The following MIA2 variants were observed in gnomAD, a reference collection of about 807,000 sequenced individuals.
MIA2 encodes the protein MIA SH3 domain ER export factor 2, also known as melanoma inhibitory activity protein 2.
Under a neutral mutation model 167.8 loss-of-function variants are expected in MIA2, and 127 were observed. That is an observed-to-expected ratio of 0.76 (90% CI 0.66 to 0.88). The LOEUF is 0.88. MIA2 is among the 40% of genes least tolerant of loss of function. The pLI is 0.00. For missense variants in MIA2, 1,690 were observed against 1,624.7 expected (o/e 1.04, Z -0.69); for synonymous variants, 552 against 541.9 (o/e 1.02, Z -0.26).
intron 6 of MIA2, among the ~76,000 whole-genome samples, chr14:39,263,084 G>C (rs909687792): frequency 1.5e-4 from 23 of 152,280 alleles, no homozygotes; most frequent in African/African-American, 5.1e-4. Flanking sequence ...GGGCATCCCT[G>C]TCTTGTGCCA....
intron 23 of MIA2, among the ~76,000 whole-genome samples, chr14:39,381,744 G>A (rs2075168249): frequency 6.8e-6 from 1 of 148,070 alleles, no homozygotes; most frequent in Non-Finnish European, 1.5e-5. Context: ...CTCCTAATTT[G>A]GAATGTTCCT....
chr14:39,265,577 T>G, intron 6 of MIA2: 1 of 578,088 alleles, frequency 1.7e-6, no homozygotes, highest in Non-Finnish European at 2.9e-6. Flanking sequence ...ATATTTGGAG[T>G]GGTAATTACT....
chr14:39,358,673 C>G lies in MIA2; in HGVS notation c.2248+9696C>G, dbSNP rs189436939. ...TTTTTCTGGTCTGTTTTTCCCCCAT[C>G]TTAGTGGTTTTATCTACCTTTGGTC... is the stretch of plus-strand genomic sequence containing the variant. On this transcript the variant is annotated intron_variant, in intron 23 of 23. Coordinates refer to the MIA2 transcript ENST00000341502. Among the ~76,000 whole-genome samples, 478 of 152,278 alleles carry G rather than the reference C, an allele frequency of 3.1e-3. 2 individuals are homozygous for G. The highest frequency in any genetic ancestry group is 0.011 in the African/African-American group (461 of 41,550).
chr14:39,263,470 G>A (rs2055232861), intron 6 of MIA2, among the ~76,000 whole-genome samples: 1 of 151,544 alleles, frequency 6.6e-6, no homozygotes, highest in Non-Finnish European at 1.5e-5. Context: ...CTGAGCTCAA[G>A]GGAATCCTTC....
chr14:39,296,135 G>A (rs986125237), intron 13 of MIA2, among the ~76,000 whole-genome samples: 2 of 151,812 alleles, frequency 1.3e-5, no homozygotes, highest in African/African-American at 4.8e-5. Context: ...CCATCCTAAA[G>A]GTTCCTCTTG....
downstream of MIA2, among the ~76,000 whole-genome samples, chr14:39,354,574 A>G (rs2074473344): frequency 6.6e-6 from 1 of 152,124 alleles, no homozygotes; most frequent in South Asian, 2.1e-4. Flanking sequence ...ATTAGATCCC[A>G]TTTGGCAATT....
chr14:39,251,498 A>T (rs533870531), intron 4 of MIA2, among the ~76,000 whole-genome samples: 62 of 152,036 alleles, frequency 4.1e-4, no homozygotes, highest in Non-Finnish European at 8.8e-4. Context: ...TTTTTCTTAT[A>T]TATTTATTTC....
Position 39,304,288 on chromosome 14 carries a change from A to T in MIA2, c.2788-3A>T. 7.2e-7 allele frequency: 1 copy of T among 1,381,912 alleles called. No homozygotes were observed. The highest frequency in any genetic ancestry group is 2.4e-5 in the East Asian group (1 of 42,162). 85.6% of individuals were successfully genotyped at this position (1,381,912 alleles called of 1,614,324 possible). ...ACTTTTTTCCTTCTTCCCTTCTTTAAAGTTAAATGCTTCTTTAAAAACCTT... is the reference window on the plus strand; with the variant it reads ...ACTTTTTTCCTTCTTCCCTTCTTTATAGTTAAATGCTTCTTTAAAAACCTT... On this transcript the variant is annotated splice_region_variant and splice_polypyrimidine_tract_variant and intron_variant, in intron 16 of 28. Coordinates refer to ENST00000640607, the MANE Select transcript of MIA2 (RefSeq NM_001329214.4).
chr14:39,267,606 T>C, intron 6 of MIA2: 1 of 1,511,546 alleles, frequency 6.6e-7, no homozygotes, highest in Non-Finnish European at 9.0e-7. Context: ...GGCTTTGGGG[T>C]CTAAGCCGCC....
chr14:39,360,112 G>T (rs913252215), intron 23 of MIA2, among the ~76,000 whole-genome samples: 4 of 151,768 alleles, frequency 2.6e-5, no homozygotes, highest in African/African-American at 9.7e-5. Flanking sequence ...GACCAGCATG[G>T]CCAATGTGAT....
intron 25 of MIA2, among the ~76,000 whole-genome samples, chr14:39,341,303 AAAAT>A (rs913978037): frequency 1.3e-5 from 2 of 152,114 alleles, no homozygotes; most frequent in Non-Finnish European, 2.9e-5. Flanking sequence ...CTCCCTCTCA[AAAAT>A]AAATAAATAA....
At chr14:39,334,469 C>G (rs1188820598) in intron 25 of MIA2, among the ~76,000 whole-genome samples, 3 of 148,502 alleles carry the variant, frequency 2.0e-5, no homozygotes, top group African/African-American at 7.6e-5. Flanking sequence ...GAGAGACTCT[C>G]TCAAAAAAAA....
chr14:39,339,291 C>T (rs1465481878), intron 25 of MIA2, among the ~76,000 whole-genome samples: 1 of 152,114 alleles, frequency 6.6e-6, no homozygotes, highest in Non-Finnish European at 1.5e-5. Flanking sequence ...GTTAGGGACC[C>T]CTGCTGTAGA....
chr14:39,288,215 T>A (rs578154482), intron 9 of MIA2, among the ~76,000 whole-genome samples: 1 of 151,742 alleles, frequency 6.6e-6, no homozygotes, highest in Admixed American at 6.6e-5. Flanking sequence ...TAGTCCCACC[T>A]ACTTGGGAGC....
intron 23 of MIA2, among the ~76,000 whole-genome samples, chr14:39,379,379 C>G (rs1463928845): frequency 6.6e-6 from 1 of 152,262 alleles, no homozygotes; most frequent in East Asian, 1.9e-4. Flanking sequence ...GGCCCTGTGC[C>G]TCATGAATGC....
In MIA2 at chr14:39,388,107, A is replaced by G. The variant is rs1254493297; in HGVS notation, c.*1155A>G. The G allele has an allele frequency of 2.0e-5, 3 of 152,224 alleles. No individual in the cohort carries two copies. Among genetic ancestry groups the G allele is most frequent in the Non-Finnish European group, 4.4e-5 (3 of 68,044 alleles). 9.4% of individuals were successfully genotyped at this position (152,224 alleles called of 1,614,324 possible). Reference sequence around the variant, plus strand: ...TATCTCCAAGGTAGGGCTGTACCATAATGCCGAGTTCCCCCATCTGCTAAT... The same window carrying G: ...TATCTCCAAGGTAGGGCTGTACCATGATGCCGAGTTCCCCCATCTGCTAAT... On this transcript the variant is annotated 3_prime_UTR_variant, in exon 24 of 24. Coordinates refer to the MIA2 transcript ENST00000341502. The surrounding 1 kb of genome is among the most constrained non-coding windows in gnomAD (Gnocchi z 4.1).
chr14:39,353,240 A>G (rs564684574), downstream of MIA2, among the ~76,000 whole-genome samples: 2 of 152,152 alleles, frequency 1.3e-5, no homozygotes, highest in Non-Finnish European at 2.9e-5. Context: ...TATATAAAAT[A>G]TTGTTACTAA....
intron 28 of MIA2, 99 bp downstream of exon 28, chr14:39,349,076 A>T: frequency 7.3e-7 from 1 of 1,360,780 alleles, no homozygotes; most frequent in Non-Finnish European, 1.0e-6. Context: ...AGTGGAGGAA[A>T]GTTTTTTCTA....
intron 23 of MIA2, among the ~76,000 whole-genome samples, chr14:39,371,225 A>G (rs2074938892): frequency 1.3e-5 from 2 of 152,166 alleles, no homozygotes; most frequent in Non-Finnish European, 2.9e-5. Context: ...AATATTAAAT[A>G]TCTTTATTTA....
Sources: allele counts gnomAD v4.1 joint callset (sites outside exome capture counted in the v4.1 genomes callset), GRCh38; gene constraint gnomAD v4.1.1; non-coding constraint Gnocchi (gnomAD v3.1); transcripts MANE v1.5; gene names NCBI Gene and HGNC (gene_info 2026-07-23, HGNC 2026-07-21).